Variants in SEC63 observed in about 807,000 individuals in gnomAD.
The protein encoded by SEC63 is SEC63 protein translocation regulator.
A neutral mutation model predicts 116.2 loss-of-function variants in SEC63; 56 were observed. The observed-to-expected ratio is 0.48, with a 90% CI of 0.39 to 0.60. The LOEUF (loss-of-function observed/expected upper bound fraction) is 0.60. SEC63 is among the 20% of genes least tolerant of loss of function. The pLI is 0.00. For synonymous variants in SEC63, 273 were observed against 294.6 expected (o/e 0.93, Z 0.75); for missense variants, 668 against 900.0 (o/e 0.74, Z 3.30).
intron 16 of SEC63, among the ~76,000 whole-genome samples, chr6:107,890,837 T>C (rs1201753738): frequency 1.3e-5 from 2 of 152,220 alleles, no homozygotes; most frequent in Non-Finnish European, 2.9e-5. Context: ...AAGCCTAGTT[T>C]GGCTGGATAT....
Position 107,906,353 on chromosome 6 carries a change from G to A in SEC63, c.961+95C>T, listed in dbSNP as rs1787148513. On this transcript the variant is annotated intron_variant, in intron 10 of 20. Coordinates refer to ENST00000369002, the MANE Select transcript of SEC63 (RefSeq NM_007214.5). The stretch of plus-strand genomic sequence containing the variant: ...ACCCAGCCTCAGGTATTTCTTTAGA[G>A]CAATGCGAGAACAAACTAATACACA... 3.1e-6 allele frequency: 4 copies of A among 1,311,334 alleles called. No individual in the cohort carries two copies. In the South Asian group the frequency reaches 3.5e-5, roughly 12 times the overall value. 81.2% of individuals were successfully genotyped at this position (1,311,334 alleles called of 1,614,324 possible).
chr6:107,875,026 T>C (rs1229321223), intron 19 of SEC63, among the ~76,000 whole-genome samples: 4 of 149,200 alleles, frequency 2.7e-5, no homozygotes, highest in Non-Finnish European at 5.9e-5. Context: ...CTGGATTTTG[T>C]TTTTGTTTTT....
At chr6:107,941,529 G>GA (rs1770375752) in intron 1 of SEC63, among the ~76,000 whole-genome samples, 1 of 150,966 alleles carries the variant, frequency 6.6e-6, no homozygotes, top group Non-Finnish European at 1.5e-5. Context: ...GAAGGAAAAA[G>GA]AAAGAAAATT....
chr6:107,946,814 G>GCTGGAAAAA (rs940308566), intron 1 of SEC63, among the ~76,000 whole-genome samples: 2 of 152,086 alleles, frequency 1.3e-5, no homozygotes, highest in African/African-American at 4.8e-5. Flanking sequence ...GACCAGCCTG[G>GCTGGAAAAA]CCAACATGGA....
intron 4 of SEC63, among the ~76,000 whole-genome samples, chr6:107,921,394 A>C (rs1462062161): frequency 2.0e-5 from 3 of 152,194 alleles, no homozygotes; most frequent in Non-Finnish European, 4.4e-5. Context: ...ACATGAAGTA[A>C]GCACTTGGAA....
intron 1 of SEC63, chr6:107,930,246 G>C (rs1401064178): frequency 8.0e-6 from 1 of 125,136 alleles, no homozygotes; most frequent in African/African-American, 3.0e-5. Flanking sequence ...CAAACTCCTG[G>C]CCTCAAGCAC....
intron 1 of SEC63, among the ~76,000 whole-genome samples, chr6:107,944,416 G>A (rs1440765633): frequency 1.3e-5 from 2 of 152,164 alleles, no homozygotes; most frequent in African/African-American, 2.4e-5. Flanking sequence ...GTTCAGACTG[G>A]GCTAGGTGCA....
At chr6:107,914,947 C>T (rs532067378) in intron 4 of SEC63, among the ~76,000 whole-genome samples, 21 of 152,244 alleles carry the variant, frequency 1.4e-4, no homozygotes, top group South Asian at 4.1e-4. Flanking sequence ...ATTACATTAA[C>T]TCACTCATTA....
At chr6:107,879,408 C>A (rs1353944177) in intron 18 of SEC63, among the ~76,000 whole-genome samples, 2 of 152,240 alleles carry the variant, frequency 1.3e-5, no homozygotes, top group African/African-American at 4.8e-5. Context: ...CTTACCGCAA[C>A]CTCCGCCTCC....
In SEC63 at chr6:107,868,251, GGAT is replaced by G. The variant is rs1437615979; in HGVS notation, c.*3450_*3452del. The G allele has an allele frequency of 2.0e-5, 3 of 151,960 alleles. No homozygotes were observed. Among genetic ancestry groups the G allele is most frequent in the African/African-American group, 7.3e-5 (3 of 41,352 alleles). The allele number at this position is 151,960 out of a possible 1,614,324, so 9.4% of individuals were successfully genotyped here. ...AAAAAAAAAAACATTTTAAAGGAAAGGATGATGATTTGTTGTTTTTGTTTTTTT... is the reference window on the plus strand; with the variant it reads ...AAAAAAAAAAACATTTTAAAGGAAAGGATGATTTGTTGTTTTTGTTTTTTT... On this transcript the variant is annotated 3_prime_UTR_variant, in exon 21 of 21. Transcript: ENST00000369002.
At chr6:107,945,322 T>A (rs1255024264) in intron 1 of SEC63, among the ~76,000 whole-genome samples, 1 of 150,564 alleles carries the variant, frequency 6.6e-6, no homozygotes, top group Non-Finnish European at 1.5e-5. Flanking sequence ...TTTTTTTTGT[T>A]TTGAGACAGA....
At chr6:107,955,417 C>A (rs1432721485) in intron 1 of SEC63, among the ~76,000 whole-genome samples, 1 of 152,188 alleles carries the variant, frequency 6.6e-6, no homozygotes, top group Non-Finnish European at 1.5e-5. Flanking sequence ...CCCGCCTGGG[C>A]CTCCCAAAGT....
At position 107,913,861 on chromosome 6, in the gene SEC63, A is replaced by C. The variant is rs544287232; in HGVS notation, c.453-434T>G. On this transcript the variant is annotated intron_variant, in intron 4 of 20. Transcript: ENST00000369002. ...TGATAAATACACATTTTTTAAAAACATAAATTTAATTCATAATGGTAGCTT... is the reference window on the plus strand; with the variant it reads ...TGATAAATACACATTTTTTAAAAACCTAAATTTAATTCATAATGGTAGCTT... 1.1e-3 allele frequency among the ~76,000 whole-genome samples: 175 copies of C among 152,378 alleles called. 2 individuals are homozygous for C. Among genetic ancestry groups the C allele is most frequent in the African/African-American group, 4.1e-3 (169 of 41,598 alleles).
intron 16 of SEC63, among the ~76,000 whole-genome samples, chr6:107,884,648 C>A (rs1042274286): frequency 6.6e-6 from 1 of 152,030 alleles, no homozygotes; most frequent in African/African-American, 2.4e-5. Context: ...AAAGCTTACA[C>A]AAACTCTTCT....
At chr6:107,877,934 T>C (rs1786318769) in intron 18 of SEC63, among the ~76,000 whole-genome samples, 1 of 152,206 alleles carries the variant, frequency 6.6e-6, no homozygotes, top group African/African-American at 2.4e-5. Context: ...TGAGTGGCAC[T>C]TAACAAGAAA....
intron 1 of SEC63, among the ~76,000 whole-genome samples, chr6:107,951,738 C>T (rs1398356403): frequency 2.0e-5 from 3 of 152,078 alleles, no homozygotes; most frequent in African/African-American, 4.8e-5. Context: ...AATCCCAGCA[C>T]TTTGGGAGGC....
Position 107,869,744 on chromosome 6 carries a change from A to T in SEC63, c.*1960T>A, listed in dbSNP as rs1786084818. ...CATCACACAAAGAGAAAAGGAAAAC[A>T]AACTGGTGGAATTTTCTGGTGATGG... On this transcript the variant is annotated 3_prime_UTR_variant, in exon 21 of 21. Transcript: ENST00000369002. 6.7e-6 allele frequency: 1 copy of T among 148,830 alleles called. No individual in the cohort carries two copies. The highest frequency in any genetic ancestry group is 2.5e-5 in the African/African-American group (1 of 40,284). The allele number at this position is 148,830 out of a possible 1,614,324, so 9.2% of individuals were successfully genotyped here.
chr6:107,922,352 C>G (rs1035586327), intron 3 of SEC63, among the ~76,000 whole-genome samples: 2 of 152,090 alleles, frequency 1.3e-5, no homozygotes, highest in African/African-American at 2.4e-5. Flanking sequence ...CTAAAAAATA[C>G]AAAAATTAGC....
intron 1 of SEC63, among the ~76,000 whole-genome samples, chr6:107,939,414 C>T (rs756790424): frequency 2.4e-4 from 36 of 152,214 alleles, no homozygotes; most frequent in Non-Finnish European, 2.6e-4. Context: ...AAACATATAC[C>T]ATGTAACCTA....
Sources: gnomAD v4.1 joint callset for allele counts (sites outside exome capture counted in the v4.1 genomes callset) on GRCh38, gnomAD v4.1.1 for gene constraint, MANE v1.5 for transcripts, NCBI Gene and HGNC (gene_info 2026-07-23, HGNC 2026-07-21) for gene names.